Variants in NIT2 observed in about 807,000 individuals in gnomAD.
NIT2 encodes the protein omega-amidase NIT2.
In NIT2, 46 loss-of-function variants were observed where a neutral mutation model predicts 42.7. The ratio of observed to expected loss-of-function variants is 1.08; its 90% CI spans 0.85 to 1.38. The LOEUF (loss-of-function observed/expected upper bound fraction) is 1.38, where lower values mean the gene tolerates loss of function less well. NIT2 is among the 40% of genes most tolerant of loss of function. The pLI, the probability that NIT2 is intolerant of heterozygous loss-of-function variation, is 0.00. For missense variants in NIT2, 309 were observed against 342.5 expected, an observed-to-expected ratio of 0.90 and a Z score of 0.77; for synonymous variants, 123 against 121.9, an observed-to-expected ratio of 1.01 and a Z score of -0.06.
At chr3:100,351,220 C>G (rs1706268989) in intron 7 of NIT2, among the ~76,000 whole-genome samples, 1 of 151,990 alleles carries the variant, frequency 6.6e-6, no homozygotes, top group Non-Finnish European at 1.5e-5. Flanking sequence ...GGGTATATAC[C>G]CAGCTACCAA....
At chr3:100,336,664 T>C (rs4114384) in intron 1 of NIT2, among the ~76,000 whole-genome samples, 508 of 152,310 alleles carry the variant, frequency 3.3e-3, no homozygotes, top group Admixed American at 8.0e-3. Context: ...CATCTCAATG[T>C]CTTAAAGAGC....
intron 7 of NIT2, among the ~76,000 whole-genome samples, chr3:100,350,596 G>C (rs112048263): frequency 6.6e-6 from 1 of 152,170 alleles, no homozygotes; most frequent in African/African-American, 2.4e-5. Flanking sequence ...TGCATGGTAG[G>C]ATGTTTAGCA....
At chr3:100,337,732 C>T (rs1576197868) in intron 1 of NIT2, among the ~76,000 whole-genome samples, 1 of 152,236 alleles carries the variant, frequency 6.6e-6, no homozygotes, top group East Asian at 1.9e-4. Context: ...GGATTACAGG[C>T]GTGAGCCATC....
intron 7 of NIT2, among the ~76,000 whole-genome samples, chr3:100,350,521 A>G (rs934864739): frequency 5.3e-5 from 8 of 152,206 alleles, no homozygotes; most frequent in Non-Finnish European, 1.2e-4. Context: ...AGCTTATAGC[A>G]GGCTTTCTCA....
intron 1 of NIT2, among the ~76,000 whole-genome samples, chr3:100,338,398 T>C (rs1047953324): frequency 2.0e-5 from 3 of 152,208 alleles, no homozygotes; most frequent in Non-Finnish European, 4.4e-5. Flanking sequence ...ATGGGGTAAG[T>C]GCAGACTTTT....
rs1706367817 is a variant in NIT2, at chr3:100,360,376, G to A, written c.*5108G>A. 6.6e-6 allele frequency: 1 copy of A among 152,314 alleles called. No homozygotes were observed. The allele number at this position is 152,314 out of a possible 1,614,324, so 9.4% of individuals were successfully genotyped here. On this transcript the variant is annotated 3_prime_UTR_variant, in exon 10 of 10. Transcript: ENST00000394140. ...CCCAGCACTTTGGGAGGCCAAGATG[G>A]GCAGATCACTTAAGGTCAGGAGTTC...
At chr3:100,335,788 G>A (rs1046456889) in intron 1 of NIT2, among the ~76,000 whole-genome samples, 2 of 152,210 alleles carry the variant, frequency 1.3e-5, no homozygotes, top group African/African-American at 4.8e-5. Flanking sequence ...AGGATCGCTT[G>A]AGTTCACGAG....
Position 100,359,778 on chromosome 3 carries a change from G to T in NIT2, c.*4510G>T, listed in dbSNP as rs538132560. On this transcript the variant is annotated 3_prime_UTR_variant, in exon 10 of 10. Coordinates refer to ENST00000394140, the MANE Select transcript of NIT2 (RefSeq NM_020202.5). Reference sequence around the variant, plus strand: ...CTCTCCTGTTGGCTTTTCCCCACTCGTTTAAAAACAACCACTTCACTTTGC... The same window carrying T: ...CTCTCCTGTTGGCTTTTCCCCACTCTTTTAAAAACAACCACTTCACTTTGC... 6.6e-6 allele frequency: 1 copy of T among 152,048 alleles called. No homozygotes were observed. The highest frequency in any genetic ancestry group is 2.4e-5 in the African/African-American group (1 of 41,394). 9.4% of individuals were successfully genotyped at this position (152,048 alleles called of 1,614,324 possible).
chr3:100,345,439 G>T lies in NIT2; in HGVS notation c.337-146G>T, dbSNP rs368345490. The T allele has an allele frequency of 1.2e-3, 710 of 614,050 alleles. 13 individuals carry two copies. In the South Asian group the frequency reaches 0.014, roughly 12 times the overall value. The allele number at this position is 614,050 out of a possible 1,614,324, so 38.0% of individuals were successfully genotyped here. Reference sequence around the variant, plus strand: ...ATTTTGATAAGGTGTCAGCCAGCTTGTGGGGTGGATTATAAGCAGTTTGGG... The same window carrying T: ...ATTTTGATAAGGTGTCAGCCAGCTTTTGGGGTGGATTATAAGCAGTTTGGG... On this transcript the variant is annotated intron_variant, in intron 4 of 9. Transcript: ENST00000394140.
rs943262526 is a variant in NIT2 at position 100,358,637 on chromosome 3, G to A, written c.*3369G>A. The A allele has an allele frequency of 6.6e-6, 1 of 152,194 alleles. No individual in the cohort carries two copies. Among genetic ancestry groups the A allele is most frequent in the Non-Finnish European group, 1.5e-5 (1 of 68,036 alleles). 9.4% of individuals were successfully genotyped at this position (152,194 alleles called of 1,614,324 possible). On this transcript the variant is annotated 3_prime_UTR_variant, in exon 10 of 10. Transcript: ENST00000394140. ...GAAGCTGAGAGCTAACAGATAATAA[G>A]TGTTGCACTGGTTGCAAATGAATAA...
At chr3:100,337,435 A>G (rs186831401) in intron 1 of NIT2, among the ~76,000 whole-genome samples, 425 of 152,232 alleles carry the variant, frequency 2.8e-3, no homozygotes, top group Non-Finnish European at 4.0e-3. Context: ...AGTAACTCGA[A>G]CAAGGAAAAT....
At position 100,360,006 on chromosome 3, in the gene NIT2, T is replaced by TGACA. The variant is rs927149559; in HGVS notation, c.*4740_*4743dup. The TGACA allele has an allele frequency of 2.0e-5, 3 of 152,252 alleles. No homozygotes were observed. The highest frequency in any genetic ancestry group is 6.5e-5 in the Admixed American group (1 of 15,286). 9.4% of individuals were successfully genotyped at this position (152,252 alleles called of 1,614,324 possible). ...AGAGACTACCTTCCTCTGAAGCATA[T>TGACA]GACAGGTTCATTTACTATCCAGCCC... On this transcript the variant is annotated 3_prime_UTR_variant, in exon 10 of 10. Transcript: ENST00000394140.
In NIT2 at chr3:100,352,412, A is replaced by G; in HGVS notation, c.593A>G (p.Asp198Gly). Residue 198 changes from aspartate to glycine, a missense_variant, in exon 8 of 10, where the codon GAT (aspartate) becomes GGT (glycine). Transcript: ENST00000394140. The stretch of plus-strand genomic sequence containing the variant: ...CTGTCTATTGACTACAGGGCTGTTG[A>G]TAATCAGGTGTATGTGGCCACAGCC... ...WELLQRSRAVDNQVYVATASP... is the reference protein window; with the variant it reads ...WELLQRSRAVGNQVYVATASP... The G allele has an allele frequency of 6.2e-7, 1 of 1,612,764 alleles. No individual in the cohort carries two copies. The highest frequency in any genetic ancestry group is 8.5e-7 in the Non-Finnish European group (1 of 1,179,006).
intron 1 of NIT2, among the ~76,000 whole-genome samples, chr3:100,337,709 T>C (rs1706094566): frequency 6.6e-6 from 1 of 152,146 alleles, no homozygotes; most frequent in African/African-American, 2.4e-5. Context: ...TGCCTTGGCC[T>C]CCCAAAGTGC....
chr3:100,354,760 CA>C lies in NIT2; in HGVS notation c.684-11del. ...CAGTGAATCCACTCATTCTCTTCTG[CA>C]TCTTTTTCAGGGGGGAGGTTCTAGC... On this transcript the variant is annotated splice_polypyrimidine_tract_variant and intron_variant, in intron 8 of 9. Coordinates refer to ENST00000394140, the MANE Select transcript of NIT2 (RefSeq NM_020202.5). The C allele has an allele frequency of 6.2e-7, 1 of 1,604,526 alleles. No homozygotes were observed. The highest frequency in any genetic ancestry group is 8.5e-7 in the Non-Finnish European group (1 of 1,174,762).
chr3:100,354,332 G>T (rs1225190210), intron 8 of NIT2, among the ~76,000 whole-genome samples: 1 of 152,252 alleles, frequency 6.6e-6, no homozygotes, highest in Non-Finnish European at 1.5e-5. Flanking sequence ...CACTCTCAGG[G>T]AGGGTAGCAG....
In NIT2 at chr3:100,354,775, G is replaced by C; in HGVS notation, c.687G>C (p.Gly229=). The change falls in exon 9 of 10, where the codon GGG becomes GGC. Residue 229 remains glycine (G), a synonymous_variant. Transcript: ENST00000394140. Reference sequence around the variant, plus strand: ...TTCTCTTCTGCATCTTTTTCAGGGGGGAGGTTCTAGCCAAAGCTGGCACAG... The same window carrying C: ...TTCTCTTCTGCATCTTTTTCAGGGGCGAGGTTCTAGCCAAAGCTGGCACAG... ...WGHSTVVNPW[G]EVLAKAGTEE... is the part of the protein sequence containing the mutation. 1 of 1,607,110 alleles carries C rather than the reference G, an allele frequency of 6.2e-7. No homozygotes were observed. Among genetic ancestry groups the C allele is most frequent in the Non-Finnish European group, 8.5e-7 (1 of 1,176,558 alleles).
At chr3:100,343,805 C>A (rs1346092385) in intron 4 of NIT2, among the ~76,000 whole-genome samples, 3 of 152,150 alleles carry the variant, frequency 2.0e-5, no homozygotes, top group Non-Finnish European at 4.4e-5. Context: ...CATTTGATTG[C>A]CTTTTCTTTG....
chr3:100,341,173 G>A lies in NIT2; in HGVS notation c.336+12G>A, dbSNP rs1004419954. 4 of 1,591,230 alleles carry A rather than the reference G, an allele frequency of 2.5e-6. No individual in the cohort carries two copies. Among genetic ancestry groups the A allele is most frequent in the Non-Finnish European group, 3.5e-6 (4 of 1,159,364 alleles). On this transcript the variant is annotated intron_variant, in intron 4 of 9. Transcript: ENST00000394140. ...CAAAGTATAGAAAGGTAAGTAGGAA[G>A]TGTGGCATAAGAATTTGTTATCTCT...
Sources: gnomAD v4.1 joint callset for allele counts (sites outside exome capture counted in the v4.1 genomes callset) on GRCh38, gnomAD v4.1.1 for gene constraint, MANE v1.5 for transcripts, NCBI Gene and HGNC (gene_info 2026-07-23, HGNC 2026-07-21) for gene names.